The following GET1 variants were observed in gnomAD, a reference collection of about 807,000 sequenced individuals.
The protein encoded by GET1 is guided entry of tail-anchored proteins factor 1, also known as congenital heart disease 5 protein.
A neutral mutation model predicts 22.6 loss-of-function variants in GET1; 20 were observed. The observed-to-expected ratio is 0.89, with a 90% CI of 0.62 to 1.29. The LOEUF is 1.29. Ranked by LOEUF, GET1 falls within the 50% of genes most tolerant of loss-of-function variation. The probability of loss-of-function intolerance (pLI) is 0.00; values close to 1 mark genes in which losing one functional copy is unlikely to be tolerated. For missense variants in GET1, 209 were observed against 219.9 expected, an observed-to-expected ratio of 0.95 and a Z score of 0.31; for synonymous variants, 92 against 83.8, an observed-to-expected ratio of 1.10 and a Z score of -0.53.
intron 3 of GET1, among the ~76,000 whole-genome samples, chr21:39,392,618 T>C (rs1209519307): frequency 2.6e-5 from 4 of 152,182 alleles, no homozygotes; most frequent in Admixed American, 2.6e-4. Flanking sequence ...GAAGGAATGC[T>C]GTGGGGGGAT....
chr21:39,398,611 GTT>G (rs111949013), downstream of GET1, among the ~76,000 whole-genome samples: 1,237 of 127,742 alleles, frequency 9.7e-3, 20 homozygotes, highest in African/African-American at 0.035. Context: ...AAATTATACA[GTT>G]TTTTTTTTTT....
chr21:39,396,809 A>T (rs980473503), intron 4 of GET1, 57 bp from the exon 5 acceptor site: 1 of 1,486,428 alleles, frequency 6.7e-7, no homozygotes, highest in African/African-American at 1.4e-5. Context: ...GACAGCAGAG[A>T]CAGATGGGGG....
chr21:39,422,826 C>T lies in GET1; in HGVS notation c.*24-5406C>T, dbSNP rs548001914. Reference sequence around the variant, plus strand: ...CTTCAAACCACTCCCTTTCTGTGCCCTCTATTAGACAACATAATTATTTAG... The same window carrying T: ...CTTCAAACCACTCCCTTTCTGTGCCTTCTATTAGACAACATAATTATTTAG... On this transcript the variant is annotated intron_variant, in intron 1 of 1. Transcript: ENST00000478273. The T allele has an allele frequency of 1.0e-4, 76 of 724,816 alleles. No individual in the cohort carries two copies. In the African/African-American group the frequency reaches 1.2e-3, roughly 12 times the overall value. 44.9% of individuals were successfully genotyped at this position (724,816 alleles called of 1,614,324 possible). A position where few individuals can be genotyped will look rare whatever the true frequency, so the allele number is the denominator to read the frequency against.
intron 4 of GET1, among the ~76,000 whole-genome samples, chr21:39,394,068 G>A (rs1411948880): frequency 1.3e-5 from 2 of 152,018 alleles, no homozygotes; most frequent in Non-Finnish European, 2.9e-5. Flanking sequence ...AGTGGCTCAC[G>A]CCTGTAATCC....
intron 4 of GET1, among the ~76,000 whole-genome samples, chr21:39,396,251 C>T (rs923661729): frequency 2.6e-5 from 4 of 152,058 alleles, no homozygotes; most frequent in Admixed American, 6.6e-5. Context: ...CAAAATTAGC[C>T]GGGTGTCGGC....
chr21:39,398,510 T>C (rs2038756376), downstream of GET1, among the ~76,000 whole-genome samples: 1 of 152,222 alleles, frequency 6.6e-6, no homozygotes, highest in African/African-American at 2.4e-5. Context: ...GGTTCACAGC[T>C]ATTAACTTTC....
At chr21:39,410,938 G>T (rs896883371), downstream of GET1, 2 of 470,916 alleles carry the variant, frequency 4.2e-6, no homozygotes, top group Non-Finnish European at 8.8e-6. Flanking sequence ...TAAAACAGAG[G>T]TGAGTATTCC....
intron 1 of GET1, among the ~76,000 whole-genome samples, chr21:39,381,420 T>C (rs1383031365): frequency 6.6e-6 from 1 of 152,232 alleles, no homozygotes; most frequent in Non-Finnish European, 1.5e-5. Context: ...TAGTGGAGGA[T>C]ATTTTATTCC....
intron 4 of GET1, 77 bp from the exon 5 acceptor site, chr21:39,396,789 G>C (rs1310649258): frequency 3.8e-6 from 5 of 1,312,882 alleles, no homozygotes; most frequent in Non-Finnish European, 5.5e-6. Context: ...TCTCTTTGCT[G>C]TGAGTTAAAG....
chr21:39,402,545 C>T (rs973251829), downstream of GET1, among the ~76,000 whole-genome samples: 3 of 152,210 alleles, frequency 2.0e-5, no homozygotes, highest in East Asian at 1.9e-4. Context: ...CAGACATATT[C>T]GGCAAATGCC....
At chr21:39,387,079 C>T (rs1332617285) in intron 1 of GET1, among the ~76,000 whole-genome samples, 2 of 152,166 alleles carry the variant, frequency 1.3e-5, no homozygotes, top group African/African-American at 2.4e-5. Flanking sequence ...CGCCTGGTCT[C>T]GAACTCCTGG....
At chr21:39,403,293 A>G (rs975848627) in intron 4 of GET1, among the ~76,000 whole-genome samples, 4 of 152,096 alleles carry the variant, frequency 2.6e-5, no homozygotes, top group African/African-American at 4.8e-5. Context: ...GCATATGCCA[A>G]TTGTAGTATT....
chr21:39,384,751 A>C (rs1003513703), intron 1 of GET1, among the ~76,000 whole-genome samples: 7 of 152,092 alleles, frequency 4.6e-5, no homozygotes, highest in East Asian at 1.9e-4. Flanking sequence ...CCAAAATAGA[A>C]AAATTTGTTT....
chr21:39,423,142 A>AG (rs1569099245), intron 1 of GET1: 1 of 1,613,810 alleles, frequency 6.2e-7, no homozygotes, highest in Admixed American at 1.7e-5. Context: ...TTTCCTAGAT[A>AG]GAGTTCTTTC....
intron 1 of GET1, chr21:39,423,616 G>T: frequency 1.3e-6 from 1 of 741,024 alleles, no homozygotes; most frequent in Non-Finnish European, 2.0e-6. Context: ...AAGCGTAAGT[G>T]TAACTAGAAG....
At chr21:39,402,123 A>G (rs1441998254), downstream of GET1, among the ~76,000 whole-genome samples, 1 of 152,022 alleles carries the variant, frequency 6.6e-6, no homozygotes, top group African/African-American at 2.4e-5. Context: ...AGTTTATTTG[A>G]GATGGAGTCT....
In GET1 at chr21:39,393,318, A is replaced by G. The variant is rs190687754; in HGVS notation, c.451+38A>G. On this transcript the variant is annotated intron_variant, in intron 4 of 4. Transcript: ENST00000649170. The stretch of plus-strand genomic sequence containing the variant: ...TGGAAGATGCAGTGGAAGAGTGTGA[A>G]TAGGCTTATGTAGAGGTGTGTGGTA... The G allele has an allele frequency of 9.6e-4, 1,454 of 1,508,684 alleles. 1 individual carries two copies. Among genetic ancestry groups the G allele is most frequent in the Non-Finnish European group, 1.0e-3 (1,134 of 1,084,946 alleles). 93.5% of individuals were successfully genotyped at this position (1,508,684 alleles called of 1,614,324 possible). A position where few individuals can be genotyped will look rare whatever the true frequency, so the allele number is the denominator to read the frequency against.
downstream of GET1, among the ~76,000 whole-genome samples, chr21:39,407,478 A>G (rs967936716): frequency 1.3e-5 from 2 of 152,224 alleles, no homozygotes; most frequent in African/African-American, 2.4e-5. Flanking sequence ...ACCTACAAAA[A>G]ATAGACAAGG....
chr21:39,404,948 C>T lies in GET1; in HGVS notation c.350-966C>T, dbSNP rs185603800. On this transcript the variant is annotated intron_variant, in intron 4 of 4. Coordinates refer to the GET1 transcript ENST00000415847. The stretch of plus-strand genomic sequence containing the variant: ...TGGGGTTCCAGCGATTCTCCTGCCT[C>T]AGCCTCCTGGGTAGCTGCCATTACA... Among the ~76,000 whole-genome samples the T allele has an allele frequency of 1.8e-3, 273 of 151,494 alleles. 1 individual carries two copies. Among genetic ancestry groups the T allele is most frequent in the African/African-American group, 5.9e-3 (245 of 41,302 alleles).
Sources: allele counts gnomAD v4.1 joint callset (sites outside exome capture counted in the v4.1 genomes callset), GRCh38; gene constraint gnomAD v4.1.1; transcripts MANE v1.5; gene names NCBI Gene and HGNC (gene_info 2026-07-23, HGNC 2026-07-21).